Variants in ADCY1 observed in about 807,000 individuals in gnomAD.
The protein encoded by ADCY1 is adenylate cyclase type 1.
Under a neutral mutation model 105.4 loss-of-function variants are expected in ADCY1, and 28 were observed. The ratio of observed to expected loss-of-function variants is 0.27; its 90% CI spans 0.20 to 0.36. The LOEUF (loss-of-function observed/expected upper bound fraction) is 0.36. Ranked by LOEUF, ADCY1 falls within the 10% of genes least tolerant of loss-of-function variation. The pLI is 1.00. For missense variants in ADCY1, 977 were observed against 1,434.2 expected (o/e 0.68, Z 5.15); for synonymous variants, 655 against 623.8 (o/e 1.05, Z -0.75).
chr7:45,584,618 C>T (rs1205919749), intron 1 of ADCY1, among the ~76,000 whole-genome samples: 4 of 152,254 alleles, frequency 2.6e-5, no homozygotes, highest in African/African-American at 9.6e-5. Flanking sequence ...GACAACTGGG[C>T]TCAGTGCTTT....
chr7:45,577,341 A>G (rs1792380142), intron 1 of ADCY1, among the ~76,000 whole-genome samples: 1 of 152,174 alleles, frequency 6.6e-6, no homozygotes, highest in South Asian at 2.1e-4. Flanking sequence ...GATACTGACA[A>G]ACACATGGGG....
At chr7:45,611,991 T>G (rs1234724793) in intron 3 of ADCY1, among the ~76,000 whole-genome samples, 1 of 152,166 alleles carries the variant, frequency 6.6e-6, no homozygotes, top group Non-Finnish European at 1.5e-5. Context: ...GGAAATGAGT[T>G]GAGGTTTGTG....
intron 3 of ADCY1, among the ~76,000 whole-genome samples, chr7:45,616,623 G>A (rs781396670): frequency 1.3e-5 from 2 of 152,094 alleles, no homozygotes; most frequent in Non-Finnish European, 2.9e-5. Flanking sequence ...ACACCCTTTC[G>A]TGATAAAAAT....
intron 7 of ADCY1, among the ~76,000 whole-genome samples, chr7:45,661,254 A>G (rs1038714616): frequency 1.3e-5 from 2 of 152,116 alleles, no homozygotes; most frequent in Admixed American, 1.3e-4. Flanking sequence ...AGAAGTTTGA[A>G]TAGCGGGAGG....
intron 2 of ADCY1, among the ~76,000 whole-genome samples, chr7:45,603,807 G>C (rs1046236752): frequency 2.0e-5 from 3 of 152,132 alleles, no homozygotes; most frequent in African/African-American, 7.2e-5. Flanking sequence ...ATAAAATACT[G>C]TAGACATTTG....
chr7:45,576,523 T>C (rs986229563), intron 1 of ADCY1, among the ~76,000 whole-genome samples: 1 of 150,186 alleles, frequency 6.7e-6, no homozygotes, highest in Non-Finnish European at 1.5e-5. Flanking sequence ...GGAAGAGAGG[T>C]AGAGGTGAAG....
At chr7:45,610,748 TGATGGA>T (rs1584268075) in intron 3 of ADCY1, among the ~76,000 whole-genome samples, 3 of 142,546 alleles carry the variant, frequency 2.1e-5, no homozygotes, top group Non-Finnish European at 3.1e-5. Context: ...GGGGAGGTGA[TGATGGA>T]GGTGTAGAGG....
At chr7:45,586,959 G>C (rs1388752500) in intron 1 of ADCY1, among the ~76,000 whole-genome samples, 1 of 152,270 alleles carries the variant, frequency 6.6e-6, no homozygotes, top group East Asian at 1.9e-4. Flanking sequence ...CTGCTCAGGA[G>C]AGGCTGGTTT....
At chr7:45,700,245 G>A (rs1784972166) in intron 14 of ADCY1, among the ~76,000 whole-genome samples, 1 of 152,170 alleles carries the variant, frequency 6.6e-6, no homozygotes, top group Non-Finnish European at 1.5e-5. Flanking sequence ...GGATTCATCC[G>A]TCCTTGGAGC....
At chr7:45,577,048 C>T (rs1792370783) in intron 1 of ADCY1, among the ~76,000 whole-genome samples, 1 of 152,168 alleles carries the variant, frequency 6.6e-6, no homozygotes, top group African/African-American at 2.4e-5. Flanking sequence ...TGCCTCTCCC[C>T]CTGGGATAAG....
At position 45,713,849 on chromosome 7, in the gene ADCY1, C is replaced by G. The variant is rs367774665; in HGVS notation, c.3214C>G (p.Arg1072Gly). The change falls in exon 20 of 20, where the codon CGG becomes GGG. Residue 1072 changes from arginine to glycine, a missense_variant. By Grantham distance (125) the Arg-to-Gly change is moderately radical. This residue lies in a region of ADCY1 where 78 missense variants were observed against 60.0 expected (regional missense o/e 1.30). Transcript: ENST00000297323. ...GSQIRSLGLDRKMCPFGRAGL... is the reference protein window; with the variant it reads ...GSQIRSLGLDGKMCPFGRAGL... ...CCAAATCAGGTCCCTGGGCTTGGATCGGAAAATGTGTCCATTTGGGAGAGC... is the reference window on the plus strand; with the variant it reads ...CCAAATCAGGTCCCTGGGCTTGGATGGGAAAATGTGTCCATTTGGGAGAGC... 2.0e-5 allele frequency: 16 copies of G among 780,760 alleles called. No individual in the cohort carries two copies. The highest frequency in any genetic ancestry group is 1.9e-4 in the African/African-American group (11 of 59,160). 48.4% of individuals were successfully genotyped at this position (780,760 alleles called of 1,614,324 possible).
Position 45,653,160 on chromosome 7 carries a change from G to T in ADCY1, c.1148+4363G>T, listed in dbSNP as rs182099816. Among the ~76,000 whole-genome samples the T allele has an allele frequency of 3.9e-5, 6 of 152,324 alleles. 1 individual carries two copies. In the East Asian group the frequency reaches 7.7e-4, roughly 20 times the overall value. ...AGATGGGATGAGAAGTATCCTAACT[G>T]TCCAGTGAGTTTGGTGACTGTGCTG... On this transcript the variant is annotated intron_variant, in intron 5 of 19. Transcript: ENST00000297323.
intron 4 of ADCY1, among the ~76,000 whole-genome samples, chr7:45,640,684 G>A (rs1037539450): frequency 1.3e-5 from 2 of 152,054 alleles, no homozygotes; most frequent in African/African-American, 4.8e-5. Flanking sequence ...TGGGGTCTAG[G>A]TTTCTAAAAA....
chr7:45,598,647 G>T (rs1332657974), intron 2 of ADCY1, among the ~76,000 whole-genome samples: 1 of 152,156 alleles, frequency 6.6e-6, no homozygotes, highest in Non-Finnish European at 1.5e-5. Context: ...GATCCGCAAA[G>T]AAAAAGAAAG....
intron 1 of ADCY1, among the ~76,000 whole-genome samples, chr7:45,579,188 C>T (rs1242167488): frequency 3.9e-5 from 6 of 152,146 alleles, no homozygotes; most frequent in Admixed American, 6.5e-5. Context: ...TAGCAAAGCT[C>T]GTGGCCTAGG....
At chr7:45,673,827 G>A (rs1784405040) in intron 8 of ADCY1, among the ~76,000 whole-genome samples, 1 of 150,252 alleles carries the variant, frequency 6.7e-6, no homozygotes, top group Non-Finnish European at 1.5e-5. Flanking sequence ...TCTTTTTCTA[G>A]TTTGTTAACA....
chr7:45,592,154 T>C (rs1365381805), intron 1 of ADCY1, among the ~76,000 whole-genome samples: 1 of 150,474 alleles, frequency 6.6e-6, no homozygotes, highest in Admixed American at 6.7e-5. Flanking sequence ...TCTCCAGGGG[T>C]CTTGGTTTTC....
chr7:45,650,736 G>A (rs145692803), intron 5 of ADCY1, among the ~76,000 whole-genome samples: 25 of 152,202 alleles, frequency 1.6e-4, no homozygotes, highest in African/African-American at 5.3e-4. Flanking sequence ...GAGGTTCTGG[G>A]CCTTAAAGGG....
At chr7:45,628,217 A>G (rs1016105749) in intron 4 of ADCY1, among the ~76,000 whole-genome samples, 1 of 152,194 alleles carries the variant, frequency 6.6e-6, no homozygotes, top group Non-Finnish European at 1.5e-5. Flanking sequence ...TTGTGCTCGT[A>G]TACAGGCCAC....
Sources: gnomAD v4.1 joint callset for allele counts (sites outside exome capture counted in the v4.1 genomes callset) on GRCh38, gnomAD v4.1.1 for gene constraint, gnomAD v4.1.1 regional missense constraint, MANE v1.5 for transcripts, NCBI Gene and HGNC (gene_info 2026-07-23, HGNC 2026-07-21) for gene names.